Variants in CCDC198 observed in about 807,000 individuals in gnomAD.
CCDC198 encodes coiled-coil domain containing 198.
In CCDC198, 18 loss-of-function variants were observed where a neutral mutation model predicts 35.6. The ratio of observed to expected loss-of-function variants is 0.51; its 90% CI spans 0.35 to 0.75. CCDC198 has a LOEUF of 0.75. Ranked by LOEUF, CCDC198 falls within the 30% of genes least tolerant of loss-of-function variation. CCDC198 has a pLI of 0.01. For synonymous variants in CCDC198, 119 were observed against 113.4 expected (o/e 1.05, Z -0.31); for missense variants, 365 against 343.7 (o/e 1.06, Z -0.49).
chr14:57,483,273 A>G (rs2074932425), intron 2 of CCDC198, 122 bp from the exon 3 acceptor site: 1 of 1,429,048 alleles, frequency 7.0e-7, no homozygotes. Context: ...GAGAGCATAC[A>G]GGAAAGGTGA....
At chr14:57,484,512 G>C (rs2067292678) in intron 2 of CCDC198, among the ~76,000 whole-genome samples, 1 of 152,150 alleles carries the variant, frequency 6.6e-6, no homozygotes, top group Non-Finnish European at 1.5e-5. Flanking sequence ...AAGGCAGGAG[G>C]GAAAGGGCTA....
At chr14:57,491,703 T>C (rs558149002) in intron 1 of CCDC198, among the ~76,000 whole-genome samples, 1 of 152,124 alleles carries the variant, frequency 6.6e-6, no homozygotes, top group Non-Finnish European at 1.5e-5. Flanking sequence ...AGATCCATTA[T>C]GGATTTTATT....
intron 2 of CCDC198, 52 bp downstream of exon 2, chr14:57,490,937 G>A (rs760125277): frequency 5.1e-5 from 73 of 1,422,388 alleles, no homozygotes; most frequent in Non-Finnish European, 6.4e-5. Flanking sequence ...AAAAAGGGAT[G>A]TTACCATTTT....
At position 57,493,692 on chromosome 14, in the gene CCDC198, A is replaced by T. The variant is rs1566597737; in HGVS notation, c.24T>A (p.Thr8=). Residue 8 remains threonine, a synonymous_variant, in exon 1 of 6, where the codon ACT becomes ACA. Transcript: ENST00000216445. The part of the protein sequence containing the change: MGLSHSK[T]HLRVIKVAPL... ...GTGCTACTTTGATCACCCTAAGGTGAGTCTTAGAGTGACTCAGGCCCATTT... is the reference window on the plus strand; with the variant it reads ...GTGCTACTTTGATCACCCTAAGGTGTGTCTTAGAGTGACTCAGGCCCATTT... 43 of 1,613,550 alleles carry T rather than the reference A, an allele frequency of 2.7e-5. No homozygotes were observed. Among genetic ancestry groups the T allele is most frequent in the Non-Finnish European group, 3.5e-5 (41 of 1,179,736 alleles).
Position 57,471,385 on chromosome 14 carries a change from T to C in CCDC198, c.861A>G (p.Pro287=). ...CTTGATCAAAAAACTCATCGAAAAG[T>C]GGGATTCTCTCTGTCCTGGTCCTCA... ...ALVRTRTERI[P]LFDEFFDQE Residue 287 remains proline, a synonymous_variant, in exon 6 of 6, where the codon CCA becomes CCG. Coordinates refer to ENST00000216445, the MANE Select transcript of CCDC198 (RefSeq NM_018168.4). 6.2e-7 allele frequency: 1 copy of C among 1,613,132 alleles called. No homozygotes were observed. The highest frequency in any genetic ancestry group is 8.5e-7 in the Non-Finnish European group (1 of 1,179,682).
In CCDC198 at chr14:57,490,979, T is replaced by G; in HGVS notation, c.306+10A>C. 1 of 1,555,532 alleles carries G rather than the reference T, an allele frequency of 6.4e-7. No homozygotes were observed. On this transcript the variant is annotated intron_variant, in intron 2 of 5. Transcript: ENST00000216445. ...GAAATTCCTTATGAAGCCTTTTAAA[T>G]TCATCTTACTTGAAGTCTTTGGGGT... is the stretch of plus-strand genomic sequence containing the variant.
chr14:57,481,573 G>A lies in CCDC198; in HGVS notation c.481C>T (p.Arg161Cys), dbSNP rs189684969. Reference protein sequence around the residue: ...LHKMQVLEMIRKRQEAQMELK... With the variant: ...LHKMQVLEMICKRQEAQMELK... ...CTCGTATTTACCTCTTGTCTTTTAC[G>A]GATCATTTCCAGCACTTGCATCTTA... Residue 161 changes from arginine (R) to cysteine (C), a missense_variant, in exon 4 of 6, where the codon CGT (arginine) becomes TGT (cysteine). Arg to Cys is a radical substitution (Grantham distance 180, BLOSUM62 -3). Transcript: ENST00000216445. 1.7e-4 allele frequency: 281 copies of A among 1,609,788 alleles called. No individual in the cohort carries two copies. The highest frequency in any genetic ancestry group is 4.8e-4 in the Admixed American group (29 of 59,906).
intron 5 of CCDC198, among the ~76,000 whole-genome samples, chr14:57,477,887 G>A (rs762295016): frequency 6.6e-6 from 1 of 151,994 alleles, no homozygotes; most frequent in Non-Finnish European, 1.5e-5. Context: ...TAGTAGAGAC[G>A]GGGTTTCACC....
In CCDC198 at chr14:57,493,549, G is replaced by T. The variant is rs2067648901; in HGVS notation, c.167C>A (p.Ala56Asp). ...SLARLQDQNKALEGQLPPLQE... is the reference protein window; with the variant it reads ...SLARLQDQNKDLEGQLPPLQE... The stretch of plus-strand genomic sequence containing the variant: ...TAAAGGTGGCAGCTGCCCTTCCAAG[G>T]CTTTATTCTGGTCCTGCAGTCTTGC... Residue 56 changes from alanine to aspartate, a missense_variant, in exon 1 of 6, where the codon GCC becomes GAC. Transcript: ENST00000216445. The T allele has an allele frequency of 6.2e-7, 1 of 1,613,884 alleles. No individual in the cohort carries two copies. The highest frequency in any genetic ancestry group is 1.7e-5 in the Admixed American group (1 of 59,972).
In CCDC198 at chr14:57,475,272, A is replaced by ATAAATAAG. The variant is rs995829688; in HGVS notation, c.656-3683_656-3682insCTTATTTA. 4 of 710,442 alleles carry ATAAATAAG rather than the reference A, an allele frequency of 5.6e-6. No homozygotes were observed. The African/African-American group carries it at 7.9e-5, about 14-fold the overall frequency. 44.0% of individuals were successfully genotyped at this position (710,442 alleles called of 1,614,324 possible). Reference sequence around the variant, plus strand: ...TGAGACTCCATCTCAAAATAAATAAATAAATAAATAAATAAATAAATAAAT... The same window carrying ATAAATAAG: ...TGAGACTCCATCTCAAAATAAATAAATAAATAAGTAAATAAATAAATAAATAAATAAAT... On this transcript the variant is annotated intron_variant, in intron 5 of 5. Transcript: ENST00000216445.
intron 5 of CCDC198, among the ~76,000 whole-genome samples, chr14:57,474,155 G>A (rs2066900531): frequency 6.6e-6 from 1 of 152,190 alleles, no homozygotes; most frequent in Non-Finnish European, 1.5e-5. Context: ...ACCATACAAT[G>A]AAACGACCAC....
intron 5 of CCDC198, among the ~76,000 whole-genome samples, chr14:57,474,983 T>C (rs548320434): frequency 9.2e-5 from 14 of 152,134 alleles, no homozygotes; most frequent in Non-Finnish European, 1.6e-4. Flanking sequence ...TAAAACAGGC[T>C]GGGCACAGTG....
Position 57,493,737 on chromosome 14 carries a change from G to T in CCDC198, c.-22C>A. ...CCATTTCATGTGAAAGACATTCAGA[G>T]GAAAGCTGCGAGGGAAGTGGTTTTG... is the stretch of plus-strand genomic sequence containing the variant. On this transcript the variant is annotated 5_prime_UTR_variant, in exon 1 of 6. Coordinates refer to ENST00000216445, the MANE Select transcript of CCDC198 (RefSeq NM_018168.4). 2.5e-6 allele frequency: 4 copies of T among 1,595,172 alleles called. No homozygotes were observed. Among genetic ancestry groups the T allele is most frequent in the East Asian group, 2.2e-5 (1 of 44,566 alleles).
Position 57,475,256 on chromosome 14 carries a change from A to G in CCDC198, c.656-3666T>C, listed in dbSNP as rs990500302. ...AGCCTGGGCGACAGAGTGAGACTCC[A>G]TCTCAAAATAAATAAATAAATAAAT... On this transcript the variant is annotated intron_variant, in intron 5 of 5. Coordinates refer to ENST00000216445, the MANE Select transcript of CCDC198 (RefSeq NM_018168.4). 1.7e-4 allele frequency: 92 copies of G among 542,254 alleles called. No individual in the cohort carries two copies. The East Asian group carries it at 5.8e-3, about 34-fold the overall frequency. 33.6% of individuals were successfully genotyped at this position (542,254 alleles called of 1,614,324 possible). A position where few individuals can be genotyped will look rare whatever the true frequency, so the allele number is the denominator to read the frequency against.
chr14:57,481,165 G>T (rs1042691268), intron 4 of CCDC198, among the ~76,000 whole-genome samples: 2 of 152,100 alleles, frequency 1.3e-5, no homozygotes, highest in Non-Finnish European at 2.9e-5. Flanking sequence ...TTTACAAGAG[G>T]TCTTTCTTGT....
intron 5 of CCDC198, among the ~76,000 whole-genome samples, chr14:57,473,589 G>A (rs2066884336): frequency 6.6e-6 from 1 of 152,016 alleles, no homozygotes; most frequent in South Asian, 2.1e-4. Flanking sequence ...CATCCTGATC[G>A]TGACCCCACT....
intron 5 of CCDC198, chr14:57,478,559 G>A (rs1334736843): frequency 7.1e-6 from 7 of 987,462 alleles, no homozygotes; most frequent in Non-Finnish European, 8.4e-6. Flanking sequence ...TCCCCTCCAG[G>A]TCTGAGACAT....
chr14:57,492,834 TGTG>T (rs1482894186), intron 1 of CCDC198, among the ~76,000 whole-genome samples: 1 of 152,194 alleles, frequency 6.6e-6, no homozygotes, highest in African/African-American at 2.4e-5. Context: ...TAATTATCAT[TGTG>T]GTCATCATAA....
At chr14:57,486,032 C>A (rs973949605) in intron 2 of CCDC198, among the ~76,000 whole-genome samples, 4 of 152,094 alleles carry the variant, frequency 2.6e-5, no homozygotes, top group African/African-American at 9.6e-5. Flanking sequence ...CAAGTCAGAA[C>A]CCTGCAAGAA....
Sources: gnomAD v4.1 joint callset for allele counts (sites outside exome capture counted in the v4.1 genomes callset) on GRCh38, gnomAD v4.1.1 for gene constraint, MANE v1.5 for transcripts, NCBI Gene and HGNC (gene_info 2026-07-23, HGNC 2026-07-21) for gene names.